The following PPARGC1A variants were observed in gnomAD, a reference collection of about 807,000 sequenced individuals.
PPARGC1A encodes peroxisome proliferator-activated receptor gamma coactivator 1-alpha.
Under a neutral mutation model 88.7 loss-of-function variants are expected in PPARGC1A, and 25 were observed. That is an observed-to-expected ratio of 0.28 (90% CI 0.21 to 0.39). PPARGC1A has a LOEUF of 0.39. Among genes scored for constraint, PPARGC1A ranks in the 10% least tolerant of loss-of-function variants. PPARGC1A has a pLI of 1.00. For missense variants in PPARGC1A, 880 were observed against 968.7 expected (o/e 0.91, Z 1.22); for synonymous variants, 363 against 355.6 (o/e 1.02, Z -0.24).
At chr4:24,092,921 T>C in the PPARGC1A span, among the ~76,000 whole-genome samples, 1 of 152,238 alleles carries the variant, frequency 6.6e-6, no homozygotes. Flanking sequence ...GATCATAATA[T>C]TCTTGCTATG....
the PPARGC1A span, among the ~76,000 whole-genome samples, chr4:24,250,430 T>C: frequency 6.6e-6 from 1 of 152,182 alleles, no homozygotes; most frequent in Non-Finnish European, 1.5e-5. Flanking sequence ...CAAGGAGAGA[T>C]ACAGGAGAGA....
chr4:23,844,634 AATATATATCATATTATATG>A (rs1727779001), intron 2 of PPARGC1A, among the ~76,000 whole-genome samples: 1 of 42,616 alleles, frequency 2.3e-5, no homozygotes, highest in Non-Finnish European at 3.8e-5. Context: ...AATATATAAT[AATATATATCATATTATATG>A]ATATATATCA....
chr4:23,852,629 G>T (rs186939386), intron 2 of PPARGC1A, among the ~76,000 whole-genome samples: 2 of 150,386 alleles, frequency 1.3e-5, no homozygotes, highest in African/African-American at 2.4e-5. Flanking sequence ...AGTTTTCTCC[G>T]TTTTTTTTTC....
the PPARGC1A span, among the ~76,000 whole-genome samples, chr4:23,919,458 T>C: frequency 2.6e-5 from 4 of 151,914 alleles, no homozygotes; most frequent in South Asian, 2.1e-4. Context: ...TACCATCCTA[T>C]GATTTTACAC....
At chr4:23,923,116 GTTT>G in the PPARGC1A span, among the ~76,000 whole-genome samples, 11 of 131,684 alleles carry the variant, frequency 8.4e-5, no homozygotes, top group South Asian at 2.3e-4. Context: ...TTTGTTGCTT[GTTT>G]TTTTTTTTTT....
At chr4:24,333,667 C>G in the PPARGC1A span, among the ~76,000 whole-genome samples, 4,343 of 152,122 alleles carry the variant, frequency 0.029, 165 homozygotes, top group East Asian at 0.18. Flanking sequence ...TGTGCGGTGG[C>G]TCACACCTGT....
the PPARGC1A span, among the ~76,000 whole-genome samples, chr4:24,470,770 T>TGCTGCC: frequency 6.6e-6 from 1 of 151,312 alleles, no homozygotes; most frequent in South Asian, 2.1e-4. This position sits in a 1 kb window ranked among gnomAD's most constrained non-coding sequence, Gnocchi z 5.8. Context: ...CTCCCGCTGC[T>TGCTGCC]GCTGCCGCGG....
At chr4:24,083,661 G>C in the PPARGC1A span, among the ~76,000 whole-genome samples, 1 of 152,190 alleles carries the variant, frequency 6.6e-6, no homozygotes, top group East Asian at 1.9e-4. Context: ...GAAATATACA[G>C]AACAGTTCAC....
chr4:24,026,385 A>G, the PPARGC1A span, among the ~76,000 whole-genome samples: 1 of 152,186 alleles, frequency 6.6e-6, no homozygotes, highest in South Asian at 2.1e-4. Flanking sequence ...CTCCTGGTAG[A>G]GATTATCTGT....
At chr4:24,120,897 G>T in the PPARGC1A span, among the ~76,000 whole-genome samples, 1 of 152,150 alleles carries the variant, frequency 6.6e-6, no homozygotes, top group African/African-American at 2.4e-5. Flanking sequence ...TTTATAAGCT[G>T]CCCAGTTTGT....
chr4:24,105,010 C>T, the PPARGC1A span, among the ~76,000 whole-genome samples: 3 of 152,288 alleles, frequency 2.0e-5, no homozygotes, highest in Non-Finnish European at 4.4e-5. Context: ...GAACATGCAA[C>T]GCCCATGTAT....
chr4:24,011,559 G>A, the PPARGC1A span, among the ~76,000 whole-genome samples: 1 of 152,150 alleles, frequency 6.6e-6, no homozygotes, highest in African/African-American at 2.4e-5. Flanking sequence ...ACCATCTAAA[G>A]GCTGCCCACA....
chr4:24,094,815 GGTTT>G, the PPARGC1A span, among the ~76,000 whole-genome samples: 6 of 151,936 alleles, frequency 3.9e-5, no homozygotes, highest in African/African-American at 1.2e-4. Context: ...AAAAAGAATA[GGTTT>G]TTTTCTTCTT....
chr4:23,838,564 G>C (rs1726465176), intron 2 of PPARGC1A, among the ~76,000 whole-genome samples: 1 of 152,146 alleles, frequency 6.6e-6, no homozygotes, highest in African/African-American at 2.4e-5. Context: ...ATTATAAAAT[G>C]CTTTTTGTCC....
At chr4:23,918,150 A>G in the PPARGC1A span, among the ~76,000 whole-genome samples, 1 of 152,200 alleles carries the variant, frequency 6.6e-6, no homozygotes, top group Non-Finnish European at 1.5e-5. Context: ...TGCATGCCCA[A>G]TAACTACCAG....
At chr4:24,067,931 G>A in the PPARGC1A span, among the ~76,000 whole-genome samples, 2 of 152,180 alleles carry the variant, frequency 1.3e-5, no homozygotes, top group Non-Finnish European at 2.9e-5. Flanking sequence ...TACTTACTTG[G>A]TGACTCATTC....
chr4:24,310,492 A>T, the PPARGC1A span, among the ~76,000 whole-genome samples: 1 of 152,312 alleles, frequency 6.6e-6, no homozygotes, highest in Non-Finnish European at 1.5e-5. Flanking sequence ...GAAGAGAGAG[A>T]GAAAAAACTG....
At chr4:24,390,412 A>T in the PPARGC1A span, among the ~76,000 whole-genome samples, 4 of 152,172 alleles carry the variant, frequency 2.6e-5, no homozygotes, top group East Asian at 7.7e-4. Flanking sequence ...GAACTATATA[A>T]AAACATTTTT....
the PPARGC1A span, among the ~76,000 whole-genome samples, chr4:24,117,589 T>G: frequency 1.3e-5 from 2 of 151,164 alleles, no homozygotes; most frequent in African/African-American, 4.9e-5. Flanking sequence ...TCTTTGCAAT[T>G]AACTTTCAAC....
Sources: gnomAD v4.1 joint callset for allele counts (sites outside exome capture counted in the v4.1 genomes callset) on GRCh38, gnomAD v4.1.1 for gene constraint, Gnocchi (gnomAD v3.1) non-coding constraint, MANE v1.5 for transcripts, NCBI Gene and HGNC (gene_info 2026-07-23, HGNC 2026-07-21) for gene names.